The following PCDHA5 variants were observed in gnomAD, a reference collection of about 807,000 sequenced individuals.
PCDHA5 encodes protocadherin alpha 5, also known as protocadherin alpha-5.
In PCDHA5, 43 loss-of-function variants were observed where a neutral mutation model predicts 61.6. The ratio of observed to expected loss-of-function variants is 0.70; its 90% CI spans 0.55 to 0.90. The LOEUF (loss-of-function observed/expected upper bound fraction) is 0.90. Among genes scored for constraint, PCDHA5 ranks in the 40% least tolerant of loss-of-function variants. The probability of loss-of-function intolerance (pLI) is 0.00; values close to 1 mark genes in which losing one functional copy is unlikely to be tolerated. For missense variants in PCDHA5, 1,298 were observed against 1,222.7 expected, an observed-to-expected ratio of 1.06 and a Z score of -0.92; for synonymous variants, 627 against 543.9, an observed-to-expected ratio of 1.15 and a Z score of -2.13.
chr5:140,822,382 G>C lies in PCDHA5; in HGVS notation c.607G>C (p.Glu203Gln). ...LVLRKSLDRE[E>Q]TQEHRLLVIA... ...TTTGAGGAAATCCTTAGATAGAGAA[G>C]AAACACAAGAACACCGTTTATTAGT... The change falls in exon 1 of 4, where the codon GAA becomes CAA. Residue 203 changes from glutamate (E) to glutamine (Q), a missense_variant. Physicochemically the swap from Glu to Gln is conservative, Grantham distance 29. Coordinates refer to ENST00000529859, the MANE Select transcript of PCDHA5 (RefSeq NM_018908.3). 6.2e-7 allele frequency: 1 copy of C among 1,614,100 alleles called. No homozygotes were observed. Among genetic ancestry groups the C allele is most frequent in the Non-Finnish European group, 8.5e-7 (1 of 1,180,006 alleles).
intron 1 of PCDHA5, chr5:140,843,835 T>G: frequency 5.5e-6 from 6 of 1,094,648 alleles, no homozygotes; most frequent in Non-Finnish European, 5.3e-6. Context: ...CATTGTTTAG[T>G]TTTTAGAAAC....
Position 141,010,180 on chromosome 5 carries a change from AC to A in PCDHA5, c.*246del. The stretch of plus-strand genomic sequence containing the variant: ...CTTGTTTTCAGAACCTAAAAAGCAG[AC>A]CCAAGTTTCCTTTCTCCTCCGCCGC... On this transcript the variant is annotated 3_prime_UTR_variant, in exon 4 of 4. Coordinates refer to ENST00000529859, the MANE Select transcript of PCDHA5 (RefSeq NM_018908.3). 2 of 1,554,710 alleles carry A rather than the reference AC, an allele frequency of 1.3e-6. No individual in the cohort carries two copies. The highest frequency in any genetic ancestry group is 1.7e-6 in the Non-Finnish European group (2 of 1,148,310).
chr5:140,926,811 C>T, intron 1 of PCDHA5: 3 of 1,464,260 alleles, frequency 2.0e-6, no homozygotes, highest in Admixed American at 5.2e-5. Flanking sequence ...CCCCGCGGCT[C>T]GTGCTCTCCA....
At chr5:140,848,386 TC>T in intron 1 of PCDHA5, 1 of 1,217,430 alleles carries the variant, frequency 8.2e-7, no homozygotes, top group Non-Finnish European at 1.2e-6. Context: ...TTTTTCACTC[TC>T]TCTGTGCTGA....
At chr5:140,916,270 G>T (rs1487301756) in intron 1 of PCDHA5, among the ~76,000 whole-genome samples, 2 of 152,180 alleles carry the variant, frequency 1.3e-5, no homozygotes, top group Non-Finnish European at 2.9e-5. Context: ...GAGCATGCTT[G>T]TTGCTCTACT....
intron 1 of PCDHA5, among the ~76,000 whole-genome samples, chr5:140,894,788 T>C (rs1217718306): frequency 2.0e-5 from 3 of 152,160 alleles, no homozygotes; most frequent in Admixed American, 1.3e-4. Flanking sequence ...TTATTTGTCC[T>C]CTCCTTTAAA....
Position 140,876,427 on chromosome 5 carries a change from C to T in PCDHA5, c.2352+52300C>T, listed in dbSNP as rs267600399. 4 of 1,613,798 alleles carry T rather than the reference C, an allele frequency of 2.5e-6. No homozygotes were observed. The African/African-American group carries it at 5.3e-5, about 22-fold the overall frequency. On this transcript the variant is annotated intron_variant, in intron 1 of 3. Coordinates refer to ENST00000529859, the MANE Select transcript of PCDHA5 (RefSeq NM_018908.3). ...TGAAGAGAATAATGCCTATGAAATT[C>T]AGGTTAACGCCATTGATAAAGGGAT...
intron 1 of PCDHA5, chr5:140,836,332 T>C (rs2150258033): frequency 1.2e-6 from 2 of 1,613,714 alleles, no homozygotes; most frequent in Non-Finnish European, 1.7e-6. Context: ...CTTCTGGTGC[T>C]TGTGAAGGAC....
chr5:140,827,904 G>GC (rs1769447630), intron 1 of PCDHA5: 2 of 786,390 alleles, frequency 2.5e-6, no homozygotes, highest in African/African-American at 3.4e-5. Flanking sequence ...TTTTGGAGCC[G>GC]CATGATGTCG....
intron 1 of PCDHA5, chr5:140,877,889 GT>G: frequency 6.9e-7 from 1 of 1,458,120 alleles, no homozygotes; most frequent in Non-Finnish European, 9.0e-7. Context: ...AAGAACTTCC[GT>G]TTAGGTTATA....
At position 140,885,311 on chromosome 5, in the gene PCDHA5, T is replaced by C. The variant is rs3776122; in HGVS notation, c.2352+61184T>C. On this transcript the variant is annotated intron_variant, in intron 1 of 3. Transcript: ENST00000529859. Reference sequence around the variant, plus strand: ...AGAGAGAGACCTGGTAGGCTTTTTGTTATTATTTCTTTTCCAAAGTTTGAA... The same window carrying C: ...AGAGAGAGACCTGGTAGGCTTTTTGCTATTATTTCTTTTCCAAAGTTTGAA... Among the ~76,000 whole-genome samples, 52 of 152,304 alleles carry C rather than the reference T, an allele frequency of 3.4e-4. No individual in the cohort carries two copies. In the East Asian group the frequency reaches 7.5e-3, roughly 22 times the overall value.
intron 1 of PCDHA5, among the ~76,000 whole-genome samples, chr5:140,964,886 T>C (rs529789945): frequency 6.6e-6 from 1 of 152,306 alleles, no homozygotes; most frequent in South Asian, 2.1e-4. Context: ...GCAGCAGTGA[T>C]AGGAGGCTGG....
rs181578390 is a variant in PCDHA5, at chr5:140,923,666, G to A, written c.2353-55283G>A. Among the ~76,000 whole-genome samples, 434 of 152,230 alleles carry A rather than the reference G, an allele frequency of 2.9e-3. 2 individuals are homozygous for A. Among genetic ancestry groups the A allele is most frequent in the Middle Eastern group, 0.014 (4 of 294 alleles). On this transcript the variant is annotated intron_variant, in intron 1 of 3. Coordinates refer to ENST00000529859, the MANE Select transcript of PCDHA5 (RefSeq NM_018908.3). ...TAGCCTCCCTTATCTTTGGGATATC[G>A]TTCTCTCTTAAATGTTGCTTTCTCA...
intron 3 of PCDHA5, among the ~76,000 whole-genome samples, chr5:140,998,569 G>GTT (rs71574497): frequency 0.068 from 10,108 of 149,316 alleles, 392 homozygotes; most frequent in Middle Eastern, 0.14. Flanking sequence ...TTGTAAATAA[G>GTT]TTTTTTTTTT....
chr5:140,929,471 G>C, intron 1 of PCDHA5: 1 of 1,293,428 alleles, frequency 7.7e-7, no homozygotes, highest in Non-Finnish European at 1.0e-6. Context: ...CAAGAAATCT[G>C]GAAGTATAGA....
intron 3 of PCDHA5, 171 bp from the exon 4 acceptor site, chr5:141,009,456 C>CAAAT: frequency 3.2e-6 from 3 of 947,762 alleles, no homozygotes; most frequent in Non-Finnish European, 2.5e-6. Flanking sequence ...AAAAATTAAA[C>CAAAT]AAATAAATAA....
chr5:140,858,425 C>T lies in PCDHA5; in HGVS notation c.2352+34298C>T, dbSNP rs373682195. 1.3e-5 allele frequency: 20 copies of T among 1,552,580 alleles called. 2 individuals are homozygous for T. The highest frequency in any genetic ancestry group is 1.8e-5 in the Non-Finnish European group (20 of 1,140,698). On this transcript the variant is annotated intron_variant, in intron 1 of 3. Transcript: ENST00000529859. ...GGAAGATCAGTCTATTGGAGGGGAC[C>T]ACTCTAGGAAGGTGGGTTATTACGT...
At chr5:140,857,947 G>T (rs782434773) in intron 1 of PCDHA5, 1 of 1,597,414 alleles carries the variant, frequency 6.3e-7, no homozygotes, top group East Asian at 2.2e-5. Flanking sequence ...TCAGTACGAC[G>T]CGCGCTCTGG....
At chr5:140,828,301 C>A (rs2150153723) in intron 1 of PCDHA5, 1 of 1,614,080 alleles carries the variant, frequency 6.2e-7, no homozygotes, top group South Asian at 1.1e-5. Context: ...CCTCCAAAGA[C>A]CGCGAGGACC....
Sources: allele counts gnomAD v4.1 joint callset (sites outside exome capture counted in the v4.1 genomes callset), GRCh38; gene constraint gnomAD v4.1.1; transcripts MANE v1.5; gene names NCBI Gene and HGNC (gene_info 2026-07-23, HGNC 2026-07-21).